GALNTL6: variants seen among roughly 807,000 people sequenced by gnomAD.
The protein encoded by GALNTL6 is polypeptide N-acetylgalactosaminyltransferase-like 6.
Under a neutral mutation model 73.7 loss-of-function variants are expected in GALNTL6, and 46 were observed. The observed-to-expected ratio is 0.62, with a 90% CI of 0.49 to 0.80. The LOEUF (loss-of-function observed/expected upper bound fraction) is 0.80. Ranked by LOEUF, GALNTL6 falls within the 30% of genes least tolerant of loss-of-function variation. GALNTL6 has a pLI of 0.00. For synonymous variants in GALNTL6, 259 were observed against 263.7 expected (o/e 0.98, Z 0.17); for missense variants, 604 against 755.0 (o/e 0.80, Z 2.34).
At position 172,933,722 on chromosome 4, in the gene GALNTL6, A is replaced by G. The variant is rs576314835; in HGVS notation, c.1149+2454A>G. On this transcript the variant is annotated intron_variant, in intron 9 of 12. Coordinates refer to ENST00000506823, the MANE Select transcript of GALNTL6 (RefSeq NM_001034845.3). ...CACCTCAACTACCTCGCTACATGCT[A>G]CATTATTACCATATCATCAAAAATG... Among the ~76,000 whole-genome samples the G allele has an allele frequency of 3.7e-4, 57 of 152,326 alleles. 1 individual carries two copies. Among genetic ancestry groups the G allele is most frequent in the Non-Finnish European group, 7.3e-4 (50 of 68,028 alleles).
intron 4 of GALNTL6, among the ~76,000 whole-genome samples, chr4:172,312,920 A>G (rs72984385): frequency 0.03 from 4,634 of 152,168 alleles, 223 homozygotes; most frequent in African/African-American, 0.1. Flanking sequence ...AGTGCTTTAT[A>G]TATTGACCCA....
chr4:172,864,266 T>C (rs1336475993), intron 7 of GALNTL6, among the ~76,000 whole-genome samples: 1 of 152,130 alleles, frequency 6.6e-6, no homozygotes, highest in Non-Finnish European at 1.5e-5. Flanking sequence ...TCAGACCCTT[T>C]CCCATTCATC....
At chr4:171,930,501 A>G (rs1738144857) in intron 2 of GALNTL6, among the ~76,000 whole-genome samples, 1 of 152,164 alleles carries the variant, frequency 6.6e-6, no homozygotes. Flanking sequence ...TACAGCTGAC[A>G]TCATACTGAA....
chr4:172,211,003 A>G (rs770448281), intron 2 of GALNTL6, among the ~76,000 whole-genome samples: 1 of 152,194 alleles, frequency 6.6e-6, no homozygotes, highest in Admixed American at 6.5e-5. Flanking sequence ...ATATTTAGCC[A>G]TTTGAAAGCT....
At chr4:172,630,790 TATC>T (rs958040154) in intron 5 of GALNTL6, among the ~76,000 whole-genome samples, 2 of 150,208 alleles carry the variant, frequency 1.3e-5, no homozygotes, top group African/African-American at 4.9e-5. Flanking sequence ...AGAGGGAACT[TATC>T]TTTCTGATTC....
chr4:172,861,799 A>G (rs990075919), intron 7 of GALNTL6, among the ~76,000 whole-genome samples: 3 of 152,222 alleles, frequency 2.0e-5, no homozygotes, highest in Admixed American at 1.3e-4. Context: ...GCCACCATGT[A>G]AGACATGACT....
At chr4:172,495,798 C>T (rs922641136) in intron 5 of GALNTL6, among the ~76,000 whole-genome samples, 1 of 152,082 alleles carries the variant, frequency 6.6e-6, no homozygotes, top group African/African-American at 2.4e-5. Context: ...GTTAAGGTTG[C>T]TCATCTGCAA....
chr4:172,317,501 G>A (rs1740603567), intron 4 of GALNTL6, among the ~76,000 whole-genome samples: 2 of 152,180 alleles, frequency 1.3e-5, no homozygotes, highest in South Asian at 4.1e-4. Flanking sequence ...TTATATCATG[G>A]AGATGTAAAA....
chr4:172,735,844 C>G (rs376644023), intron 5 of GALNTL6, among the ~76,000 whole-genome samples: 2 of 152,036 alleles, frequency 1.3e-5, no homozygotes. Flanking sequence ...TAAAGAGAAA[C>G]AGTACAAAAG....
At chr4:172,008,843 A>C (rs929472844) in intron 2 of GALNTL6, among the ~76,000 whole-genome samples, 2 of 152,094 alleles carry the variant, frequency 1.3e-5, no homozygotes, top group Non-Finnish European at 2.9e-5. Flanking sequence ...TCCAATCTTT[A>C]GTCTTGCGAA....
chr4:172,197,398 A>C (rs1358523990), intron 2 of GALNTL6, among the ~76,000 whole-genome samples: 1 of 152,190 alleles, frequency 6.6e-6, no homozygotes, highest in Non-Finnish European at 1.5e-5. Context: ...TGCTATTCCC[A>C]TTAAACTACC....
At chr4:173,020,912 A>C (rs1487459610) in intron 11 of GALNTL6, among the ~76,000 whole-genome samples, 1 of 152,146 alleles carries the variant, frequency 6.6e-6, no homozygotes, top group Non-Finnish European at 1.5e-5. Flanking sequence ...GTCTCTACTA[A>C]AAATACAAAA....
At chr4:172,630,744 TG>T (rs1201771228) in intron 5 of GALNTL6, among the ~76,000 whole-genome samples, 1 of 150,778 alleles carries the variant, frequency 6.6e-6, no homozygotes, top group East Asian at 2.0e-4. Flanking sequence ...ATAACGTATA[TG>T]CATTTCCACA....
chr4:171,968,130 C>G (rs1487672698), intron 2 of GALNTL6, among the ~76,000 whole-genome samples: 1 of 152,148 alleles, frequency 6.6e-6, no homozygotes, highest in East Asian at 1.9e-4. Context: ...TTTTTATTCT[C>G]AAGATTCTAA....
chr4:172,987,883 G>A (rs2126448009), intron 10 of GALNTL6, among the ~76,000 whole-genome samples: 1 of 152,182 alleles, frequency 6.6e-6, no homozygotes, highest in African/African-American at 2.4e-5. Flanking sequence ...CAATACTACA[G>A]GAATTATAGT....
At chr4:172,219,603 T>C in intron 2 of GALNTL6, among the ~76,000 whole-genome samples, 1 of 151,914 alleles carries the variant, frequency 6.6e-6, no homozygotes, top group East Asian at 1.9e-4. Flanking sequence ...GTCTACAATT[T>C]GTTGAACAAG....
intron 5 of GALNTL6, chr4:172,380,307 C>T (rs1743232801): frequency 2.7e-6 from 2 of 742,948 alleles, no homozygotes; most frequent in South Asian, 2.7e-5. Flanking sequence ...ATTGGGTATT[C>T]TTCTGGAAGA....
intron 5 of GALNTL6, among the ~76,000 whole-genome samples, chr4:172,369,109 G>A (rs1022530884): frequency 6.6e-6 from 1 of 152,122 alleles, no homozygotes; most frequent in African/African-American, 2.4e-5. Flanking sequence ...CCTGCTGATT[G>A]GTCCATTCTA....
intron 7 of GALNTL6, among the ~76,000 whole-genome samples, chr4:172,830,847 T>G (rs944956974): frequency 6.6e-6 from 1 of 151,914 alleles, no homozygotes; most frequent in African/African-American, 2.4e-5. Flanking sequence ...GGGCCTAAAG[T>G]AGATATGAAC....
Sources: gnomAD v4.1 joint callset for allele counts (sites outside exome capture counted in the v4.1 genomes callset) on GRCh38, gnomAD v4.1.1 for gene constraint, MANE v1.5 for transcripts, NCBI Gene and HGNC (gene_info 2026-07-23, HGNC 2026-07-21) for gene names.